XRCC5: variants seen among roughly 807,000 people sequenced by gnomAD.
XRCC5 encodes the protein X-ray repair cross complementing 5.
XRCC5 carries 12 observed loss-of-function variants against 95.7 expected under a neutral mutation model. That is an observed-to-expected ratio of 0.13 (90% CI 0.08 to 0.20). The LOEUF is 0.20. Ranked by LOEUF, XRCC5 falls within the 10% of genes least tolerant of loss-of-function variation. XRCC5 has a pLI of 1.00. For missense variants in XRCC5, 595 were observed against 873.9 expected, an observed-to-expected ratio of 0.68 and a Z score of 4.02; for synonymous variants, 281 against 290.3, an observed-to-expected ratio of 0.97 and a Z score of 0.33.
intron 16 of XRCC5, chr2:216,175,802 G>T: frequency 2.3e-6 from 1 of 439,674 alleles, no homozygotes; most frequent in Non-Finnish European, 4.3e-6. Context: ...CAAAGCCCCT[G>T]GAATGTTTGC....
At chr2:216,148,686 T>C (rs1042643525) in intron 14 of XRCC5, among the ~76,000 whole-genome samples, 1 of 152,186 alleles carries the variant, frequency 6.6e-6, no homozygotes, top group Non-Finnish European at 1.5e-5. Flanking sequence ...GTCAATGAGA[T>C]TTTTGGAGGA....
intron 13 of XRCC5, among the ~76,000 whole-genome samples, chr2:216,144,961 A>G (rs774140627): frequency 1.3e-5 from 2 of 152,230 alleles, no homozygotes; most frequent in African/African-American, 4.8e-5. Flanking sequence ...GAGGTAGAAA[A>G]CTAGGAGAAA....
chr2:216,163,461 T>C (rs1688991580), intron 16 of XRCC5, among the ~76,000 whole-genome samples: 1 of 152,066 alleles, frequency 6.6e-6, no homozygotes, highest in Non-Finnish European at 1.5e-5. Flanking sequence ...GGCTAATTTT[T>C]GTATTTTTAG....
Position 216,167,674 on chromosome 2 carries a change from A to C in XRCC5, c.1834+5626A>C, listed in dbSNP as rs139172071. ...GGGTATGAATTATATAATGAATTAT[A>C]CTCTGCCCAGATAGATAAGAAGATA... is the stretch of plus-strand genomic sequence containing the variant. On this transcript the variant is annotated intron_variant, in intron 16 of 20. Coordinates refer to ENST00000392132, the MANE Select transcript of XRCC5 (RefSeq NM_021141.4). 2.0e-5 allele frequency among the ~76,000 whole-genome samples: 3 copies of C among 151,170 alleles called. No individual in the cohort carries two copies. The East Asian group carries it at 5.8e-4, about 29-fold the overall frequency.
At chr2:216,121,131 T>C (rs989727287) in intron 5 of XRCC5, among the ~76,000 whole-genome samples, 1 of 152,232 alleles carries the variant, frequency 6.6e-6, no homozygotes, top group Non-Finnish European at 1.5e-5. Flanking sequence ...CCAGGATAAC[T>C]TCCTTTCTCT....
chr2:216,150,245 C>A (rs1385023140), intron 14 of XRCC5, among the ~76,000 whole-genome samples: 1 of 152,106 alleles, frequency 6.6e-6, no homozygotes, highest in African/African-American at 2.4e-5. Flanking sequence ...GAAGTTTAAT[C>A]ATCTTAAGAG....
chr2:216,167,243 ATCCTAGAGT>A (rs1689068171), intron 16 of XRCC5, among the ~76,000 whole-genome samples: 1 of 152,138 alleles, frequency 6.6e-6, no homozygotes, highest in Admixed American at 6.5e-5. Flanking sequence ...ATTACGTCTC[ATCCTAGAGT>A]CTTTTTGCCT....
chr2:216,183,054 A>G (rs1360835908), intron 16 of XRCC5, among the ~76,000 whole-genome samples: 2 of 152,222 alleles, frequency 1.3e-5, no homozygotes, highest in East Asian at 3.8e-4. Flanking sequence ...GCTCTCTTAC[A>G]TAAAATGAGC....
Position 216,148,196 on chromosome 2 carries a change from C to T in XRCC5, c.1590C>T (p.Leu530=). The T allele has an allele frequency of 6.2e-7, 1 of 1,614,096 alleles. No homozygotes were observed. The highest frequency in any genetic ancestry group is 8.5e-7 in the Non-Finnish European group (1 of 1,180,012). ...AEVTTKSQIP[L]SKIKTLFPLI... is the part of the protein sequence containing the mutation. ...TGACAACAAAAAGTCAGATTCCTCT[C>T]TCTAAAATAAAGACCCTTTTTCCTC... Residue 530 remains leucine, a synonymous_variant, in exon 14 of 21, where the codon CTC becomes CTT. Coordinates refer to ENST00000392132, the MANE Select transcript of XRCC5 (RefSeq NM_021141.4).
intron 16 of XRCC5, among the ~76,000 whole-genome samples, chr2:216,171,013 G>T (rs546313750): frequency 1.6e-4 from 25 of 152,366 alleles, no homozygotes; most frequent in African/African-American, 6.0e-4. Flanking sequence ...ACCGGTTTCA[G>T]ATTGTGCTGA....
At chr2:216,128,492 A>T (rs1172305599) in intron 8 of XRCC5, among the ~76,000 whole-genome samples, 2 of 152,176 alleles carry the variant, frequency 1.3e-5, no homozygotes, top group Non-Finnish European at 2.9e-5. Flanking sequence ...TTATATGTAG[A>T]ATATAATTAA....
intron 18 of XRCC5, among the ~76,000 whole-genome samples, chr2:216,194,153 T>G (rs1347769289): frequency 3.9e-5 from 6 of 152,260 alleles, no homozygotes; most frequent in African/African-American, 1.4e-4. Flanking sequence ...TGTTCTACAG[T>G]AAGTCCTCTC....
chr2:216,163,495 G>A (rs115704967), intron 16 of XRCC5, among the ~76,000 whole-genome samples: 1,582 of 152,004 alleles, frequency 0.01, 24 homozygotes, highest in African/African-American at 0.036. Context: ...TCGTTATGTT[G>A]GCCAGGCTGG....
chr2:216,125,328 G>A (rs1696884460), intron 6 of XRCC5, among the ~76,000 whole-genome samples: 1 of 151,886 alleles, frequency 6.6e-6, no homozygotes, highest in Non-Finnish European at 1.5e-5. Flanking sequence ...CTCCCTAGTA[G>A]CTGGGATTAC....
At chr2:216,159,618 A>G (rs1032822421) in intron 14 of XRCC5, among the ~76,000 whole-genome samples, 2 of 152,250 alleles carry the variant, frequency 1.3e-5, no homozygotes, top group African/African-American at 4.8e-5. Flanking sequence ...TACATGATAG[A>G]GAAAACGGGT....
chr2:216,137,995 TTC>T lies in XRCC5; in HGVS notation c.1252-92_1252-91del, dbSNP rs1223096459. 5.4e-6 allele frequency: 6 copies of T among 1,116,612 alleles called. No homozygotes were observed. The East Asian group carries it at 1.3e-4, about 24-fold the overall frequency. 69.2% of individuals were successfully genotyped at this position (1,116,612 alleles called of 1,614,324 possible). A position where few individuals can be genotyped will look rare whatever the true frequency, so the allele number is the denominator to read the frequency against. On this transcript the variant is annotated intron_variant, in intron 11 of 20. Transcript: ENST00000392132. ...TTGGGCTGTCCGATTTTTGAAATATTTCTGTTATGCTACTTTCACAGAATTTG... is the reference window on the plus strand; with the variant it reads ...TTGGGCTGTCCGATTTTTGAAATATTTGTTATGCTACTTTCACAGAATTTG...
intron 16 of XRCC5, chr2:216,175,685 C>G (rs377736527): frequency 4.7e-6 from 2 of 422,286 alleles, no homozygotes; most frequent in Non-Finnish European, 9.0e-6. Flanking sequence ...TTACAGAATC[C>G]TCTCTAGAAA....
chr2:216,203,848 C>CTTT (rs56250537), intron 19 of XRCC5, among the ~76,000 whole-genome samples: 59,234 of 118,348 alleles, frequency 0.5, 15,847 homozygotes, highest in East Asian at 0.76. Context: ...TTATTCTAAG[C>CTTT]TTTTTTTTTT....
intron 18 of XRCC5, 28 bp from the exon 19 acceptor site, chr2:216,194,891 T>C (rs1559263682): frequency 1.9e-6 from 3 of 1,611,204 alleles, no homozygotes; most frequent in Non-Finnish European, 2.5e-6. Flanking sequence ...CTTTGTGTTT[T>C]GATTTTACTC....
Sources: allele counts gnomAD v4.1 joint callset (sites outside exome capture counted in the v4.1 genomes callset), GRCh38; gene constraint gnomAD v4.1.1; transcripts MANE v1.5; gene names NCBI Gene and HGNC (gene_info 2026-07-23, HGNC 2026-07-21).